The following PAPLN variants were observed in gnomAD, a reference collection of about 807,000 sequenced individuals.
PAPLN encodes papilin, proteoglycan like sulfated glycoprotein.
PAPLN carries 146 observed loss-of-function variants against 159.0 expected under a neutral mutation model. That is an observed-to-expected ratio of 0.92 (90% confidence interval 0.80 to 1.05). The LOEUF is 1.05. Among genes scored for constraint, PAPLN ranks in the 50% least tolerant of loss-of-function variants. PAPLN has a pLI of 0.00. For synonymous variants in PAPLN, 734 were observed against 702.9 expected (o/e 1.04, Z -0.70); for missense variants, 1,720 against 1,743.9 (o/e 0.99, Z 0.24).
rs1425273049 is a variant in PAPLN, at chr14:73,261,274, G to A, written c.2225G>A (p.Cys742Tyr). The A allele has an allele frequency of 1.2e-6, 2 of 1,613,696 alleles. No individual in the cohort carries two copies. Among genetic ancestry groups the A allele is most frequent in the South Asian group, 1.1e-5 (1 of 91,070 alleles). Residue 742 changes from cysteine (C) to tyrosine (Y), a missense_variant, in exon 18 of 27, where the codon TGT (cysteine) becomes TAT (tyrosine). Cys to Tyr is a radical substitution (Grantham distance 194). Coordinates refer to ENST00000644200, the MANE Select transcript of PAPLN (RefSeq NM_001365906.3). ...GCAGCCGGTCCTCTTGGGGAAGGCT[G>A]TGTGGGCCAGCCCAGCCATGGTGAG... ...ATAAGPLGEG[C>Y]VGQPSHAYPV...
At chr14:73,253,199 C>T in intron 11 of PAPLN, 1 of 1,360,484 alleles carries the variant, frequency 7.4e-7, no homozygotes, top group Non-Finnish European at 9.7e-7. Context: ...TGGCGCCTTG[C>T]TGGGGCCCAG....
chr14:73,261,951 C>G (rs1886635251), intron 18 of PAPLN: 2 of 197,654 alleles, frequency 1.0e-5, no homozygotes, highest in Non-Finnish European at 2.0e-5. Context: ...TGGGCATCTT[C>G]ACACGCCCTG....
chr14:73,251,506 G>C lies in PAPLN; in HGVS notation c.610G>C (p.Val204Leu), dbSNP rs1885248232. The C allele has an allele frequency of 6.2e-7, 1 of 1,609,256 alleles. No homozygotes were observed. Among genetic ancestry groups the C allele is most frequent in the South Asian group, 1.1e-5 (1 of 91,078 alleles). ...LSRGYNQILIVPMGATSILID... is the reference protein window; with the variant it reads ...LSRGYNQILILPMGATSILID... ...CCCAGGCTACAACCAGATCCTCATA[G>C]TTCCCATGGGTGCCACCAGCATCCT... Residue 204 changes from valine (V) to leucine (L), a missense_variant, in exon 8 of 27, where the codon GTT becomes CTT. Transcript: ENST00000644200.
Position 73,262,425 on chromosome 14 carries a change from CCT to C in PAPLN, c.2324_2325del (p.Ser775CysfsTer5), listed in dbSNP as rs1239254200. The C allele has an allele frequency of 6.2e-6, 10 of 1,613,872 alleles. No homozygotes were observed. The African/African-American group carries it at 1.3e-4, about 22-fold the overall frequency. ...TGGGCTGCCCGCTGGTACTTCGTTG[CCT>C]CTGTGGGCCAATGTAACCGCTTCTG... is the stretch of plus-strand genomic sequence containing the variant. On this transcript the variant is annotated frameshift_variant, in exon 19 of 27. Coordinates refer to ENST00000644200, the MANE Select transcript of PAPLN (RefSeq NM_001365906.3). LOFTEE classifies it high-confidence loss of function.
chr14:73,235,826 G>A (rs907360988), upstream of PAPLN, among the ~76,000 whole-genome samples: 1 of 152,200 alleles, frequency 6.6e-6, no homozygotes, highest in African/African-American at 2.4e-5. Flanking sequence ...CAGGGGCCCC[G>A]CTACAGCTGC....
At chr14:73,248,797 G>A (rs888605348) in intron 5 of PAPLN, among the ~76,000 whole-genome samples, 1 of 151,902 alleles carries the variant, frequency 6.6e-6, no homozygotes, top group Non-Finnish European at 1.5e-5. Context: ...ACTCCAGCCC[G>A]GACGACAGAG....
chr14:73,259,241 C>G (rs971075265), intron 15 of PAPLN, 28 bp from the exon 16 acceptor site: 8 of 1,534,658 alleles, frequency 5.2e-6, no homozygotes, highest in Middle Eastern at 3.5e-4. Context: ...GGTGGACGCA[C>G]TGTGTGTCTT....
Position 73,261,189 on chromosome 14 carries a change from A to G in PAPLN, c.2140A>G (p.Asn714Asp), listed in dbSNP as rs1307334249. The G allele has an allele frequency of 6.2e-7, 1 of 1,614,114 alleles. No individual in the cohort carries two copies. The highest frequency in any genetic ancestry group is 2.2e-5 in the East Asian group (1 of 44,888). The change falls in exon 18 of 27, where the codon AAT (asparagine) becomes GAT (aspartate). Residue 714 changes from asparagine (N) to aspartate (D), a missense_variant. Transcript: ENST00000644200. ...CACCCACCAGCCCCAGGCCCAGCAG[A>G]ATGAGCCCAGTGAGTGCCGGGGCTC... ...HNTHQPQAQQ[N>D]EPSECRGSQF...
At chr14:73,261,468 C>T (rs747624744) in intron 18 of PAPLN, among the ~76,000 whole-genome samples, 174 bp downstream of exon 18, 9 of 152,232 alleles carry the variant, frequency 5.9e-5, no homozygotes, top group East Asian at 1.9e-4. Context: ...AGAGTGTTCT[C>T]GCATCCAGCA....
Position 73,272,481 on chromosome 14 carries a change from C to G in PAPLN, c.3668-14C>G, listed in dbSNP as rs370833429. The G allele has an allele frequency of 1.3e-5, 20 of 1,502,762 alleles. No homozygotes were observed. The highest frequency in any genetic ancestry group is 1.7e-5 in the Non-Finnish European group (19 of 1,114,640). The allele number at this position is 1,502,762 out of a possible 1,614,324, so 93.1% of individuals were successfully genotyped here. On this transcript the variant is annotated splice_polypyrimidine_tract_variant and intron_variant, in intron 26 of 26. Transcript: ENST00000644200. ...GCTTCCTCACCACCTTCTCTCTCCC[C>G]TGTCGTTCTGCAGCACCCACCGCCC...
chr14:73,249,544 C>T (rs1001299914), intron 5 of PAPLN, among the ~76,000 whole-genome samples: 6 of 151,908 alleles, frequency 3.9e-5, no homozygotes, highest in African/African-American at 9.7e-5. Flanking sequence ...TGTGGTGGCG[C>T]GTGCCTGTAG....
rs749587174 is a variant in PAPLN, at chr14:73,268,678, A to C, written c.3622A>C (p.Ser1208Arg). The C allele has an allele frequency of 6.2e-7, 1 of 1,613,586 alleles. No individual in the cohort carries two copies. The highest frequency in any genetic ancestry group is 1.1e-5 in the South Asian group (1 of 91,028). ...GSYTCSAYQG[S>R]QAVSRSTEVK... is the part of the protein sequence containing the mutation. ...CTACACGTGCAGTGCCTACCAGGGG[A>C]GCCAGGCAGTCAGCCGCAGCACCGA... Residue 1208 changes from serine (S) to arginine (R), a missense_variant, in exon 26 of 27, where the codon AGC becomes CGC. By Grantham distance (110) the Ser-to-Arg change is moderately radical. Coordinates refer to ENST00000644200, the MANE Select transcript of PAPLN (RefSeq NM_001365906.3).
At position 73,245,061 on chromosome 14, in the gene PAPLN, T is replaced by C. The variant is rs1271688942; in HGVS notation, c.170+302T>C. Reference sequence around the variant, plus strand: ...ATTTTGCTGGAACTGGTAAATAATCTTCAACCGGCAGTTCCCAATTCCTGT... The same window carrying C: ...ATTTTGCTGGAACTGGTAAATAATCCTCAACCGGCAGTTCCCAATTCCTGT... On this transcript the variant is annotated intron_variant, in intron 3 of 26. Coordinates refer to ENST00000644200, the MANE Select transcript of PAPLN (RefSeq NM_001365906.3). The surrounding 1 kb of genome is among the most constrained non-coding windows in gnomAD (Gnocchi z 4.2). 1.1e-5 allele frequency: 3 copies of C among 271,060 alleles called. No individual in the cohort carries two copies. Among genetic ancestry groups the C allele is most frequent in the Non-Finnish European group, 2.1e-5 (3 of 142,122 alleles). 16.8% of individuals were successfully genotyped at this position (271,060 alleles called of 1,614,324 possible). A position where few individuals can be genotyped will look rare whatever the true frequency, so the allele number is the denominator to read the frequency against.
At chr14:73,258,262 C>T (rs895337993) in intron 14 of PAPLN, among the ~76,000 whole-genome samples, 1 of 152,118 alleles carries the variant, frequency 6.6e-6, no homozygotes, top group African/African-American at 2.4e-5. Flanking sequence ...TTTTGATTTG[C>T]ATTTCCCTGA....
chr14:73,265,288 C>G lies in PAPLN; in HGVS notation c.3126-82C>G, dbSNP rs1298420612. On this transcript the variant is annotated intron_variant, in intron 22 of 26. Coordinates refer to ENST00000644200, the MANE Select transcript of PAPLN (RefSeq NM_001365906.3). This position sits in a 1 kb window ranked among gnomAD's most constrained non-coding sequence, Gnocchi z 4.1. ...CTGGCTGGAGAGGGAGAAGGGGCCACCAGGCTTGTGCAGAGGTGCCCATGG... is the reference window on the plus strand; with the variant it reads ...CTGGCTGGAGAGGGAGAAGGGGCCAGCAGGCTTGTGCAGAGGTGCCCATGG... 1 of 1,539,608 alleles carries G rather than the reference C, an allele frequency of 6.5e-7. No homozygotes were observed. The highest frequency in any genetic ancestry group is 1.9e-5 in the Admixed American group (1 of 52,742).
chr14:73,242,024 A>G (rs952999245), intron 2 of PAPLN, among the ~76,000 whole-genome samples: 1 of 152,260 alleles, frequency 6.6e-6, no homozygotes, highest in Non-Finnish European at 1.5e-5. Flanking sequence ...TGGCTGTATC[A>G]GCTCATTCCG....
chr14:73,251,479 C>A lies in PAPLN; in HGVS notation c.590-7C>A. 6.2e-7 allele frequency: 1 copy of A among 1,603,734 alleles called. No homozygotes were observed. On this transcript the variant is annotated splice_polypyrimidine_tract_variant and splice_region_variant and intron_variant, in intron 7 of 26. Coordinates refer to ENST00000644200, the MANE Select transcript of PAPLN (RefSeq NM_001365906.3). Reference sequence around the variant, plus strand: ...AGCACACCCAGCACCTGCGTCTCTGCCCCCAGGCTACAACCAGATCCTCAT... The same window carrying A: ...AGCACACCCAGCACCTGCGTCTCTGACCCCAGGCTACAACCAGATCCTCAT...
In PAPLN at chr14:73,261,171, C is replaced by T. The variant is rs776548666; in HGVS notation, c.2122C>T (p.Gln708Ter). The T allele has an allele frequency of 9.3e-6, 15 of 1,614,048 alleles. No homozygotes were observed. The highest frequency in any genetic ancestry group is 1.2e-5 in the Non-Finnish European group (14 of 1,180,044). ...TCCTCCCCAGGTCCACAACACCCACCAGCCCCAGGCCCAGCAGAATGAGCC... is the reference window on the plus strand; with the variant it reads ...TCCTCCCCAGGTCCACAACACCCACTAGCCCCAGGCCCAGCAGAATGAGCC... ...AVASTVHNTHQPQAQQNEPSE... is the reference protein window; with the variant it reads ...AVASTVHNTH Residue 708 changes from glutamine to a stop codon, truncating the protein, a stop_gained, in exon 18 of 27, where the codon CAG (glutamine) becomes TAG (stop). Transcript: ENST00000644200. LOFTEE classifies it high-confidence loss of function.
chr14:73,242,960 C>A (rs2140181507), intron 2 of PAPLN: 1 of 152,348 alleles, frequency 6.6e-6, no homozygotes, highest in South Asian at 2.1e-4. Flanking sequence ...TTCAGCGAAG[C>A]TGCTCAGGGG....
Sources: allele counts gnomAD v4.1 joint callset (sites outside exome capture counted in the v4.1 genomes callset), GRCh38; gene constraint gnomAD v4.1.1; non-coding constraint Gnocchi (gnomAD v3.1); transcripts MANE v1.5; gene names NCBI Gene and HGNC (gene_info 2026-07-23, HGNC 2026-07-21).